The following KLHL32 variants were observed in gnomAD, a reference collection of about 807,000 sequenced individuals.
KLHL32 encodes kelch like family member 32.
KLHL32 carries 35 observed loss-of-function variants against 64.8 expected under a neutral mutation model. That is an observed-to-expected ratio of 0.54 (90% CI 0.41 to 0.72). The LOEUF is 0.72. Among genes scored for constraint, KLHL32 ranks in the 30% least tolerant of loss-of-function variants. KLHL32 has a pLI of 0.00. For synonymous variants in KLHL32, 259 were observed against 281.0 expected (o/e 0.92, Z 0.78); for missense variants, 589 against 768.5 (o/e 0.77, Z 2.76).
At chr6:96,904,124 C>A in the KLHL32 span, among the ~76,000 whole-genome samples, 1 of 151,928 alleles carries the variant, frequency 6.6e-6, no homozygotes, top group African/African-American at 2.4e-5. Context: ...GGCAGATTAC[C>A]TGAGGTCAGG....
intron 2 of KLHL32, among the ~76,000 whole-genome samples, chr6:96,973,730 C>CTTTTTTTTTTTTTTTTTTTTTTTT (rs558193523): frequency 1.7e-5 from 2 of 118,254 alleles, no homozygotes; most frequent in Non-Finnish European, 1.7e-5. Flanking sequence ...TACAGATTGC[C>CTTTTTTTTTTTTTTTTTTTTTTTT]TTTTTTTTTT....
chr6:97,096,202 T>C (rs1794965424), intron 6 of KLHL32, among the ~76,000 whole-genome samples: 1 of 152,210 alleles, frequency 6.6e-6, no homozygotes, highest in South Asian at 2.1e-4. Context: ...AAAGCCACCT[T>C]GGATTCTGAG....
intron 5 of KLHL32, among the ~76,000 whole-genome samples, chr6:97,084,138 G>C (rs891082083): frequency 6.6e-6 from 1 of 152,060 alleles, no homozygotes; most frequent in Non-Finnish European, 1.5e-5. Context: ...AAAATTACTT[G>C]GATTTATAGA....
chr6:96,991,908 T>A (rs994889868), intron 3 of KLHL32, among the ~76,000 whole-genome samples: 2 of 152,070 alleles, frequency 1.3e-5, no homozygotes, highest in Non-Finnish European at 2.9e-5. Flanking sequence ...GTAAGGTGGC[T>A]GCGCTGTGCT....
At chr6:97,131,650 T>G (rs745829736) in intron 9 of KLHL32, among the ~76,000 whole-genome samples, 6 of 152,212 alleles carry the variant, frequency 3.9e-5, no homozygotes, top group Non-Finnish European at 7.3e-5. Context: ...CCATGTCTGC[T>G]CAAATAATAG....
intron 3 of KLHL32, among the ~76,000 whole-genome samples, chr6:97,014,310 A>G (rs1190880672): frequency 2.6e-5 from 4 of 151,212 alleles, no homozygotes; most frequent in African/African-American, 7.3e-5. Context: ...AAAAAAAAAA[A>G]GTTTCTTTTT....
rs866502375 is a variant in KLHL32 at position 97,016,384 on chromosome 6, C to T, written c.205-25108C>T. ...AGTGTGCCTTAGATGTGAGACATGG[C>T]GTCAAAGGAGATCATTTTGGAACTT... On this transcript the variant is annotated intron_variant, in intron 3 of 10. Transcript: ENST00000369261. Among the ~76,000 whole-genome samples, 21 of 152,320 alleles carry T rather than the reference C, an allele frequency of 1.4e-4. No individual in the cohort carries two copies. In the South Asian group the frequency reaches 2.9e-3, roughly 21 times the overall value.
intron 5 of KLHL32, among the ~76,000 whole-genome samples, chr6:97,073,333 A>T (rs917221510): frequency 3.5e-4 from 53 of 152,338 alleles, no homozygotes; most frequent in African/African-American, 1.3e-3. Flanking sequence ...TTTAGAAGCC[A>T]CAAATAATTA....
chr6:97,134,545 GCTGGAACA>G (rs1441295571), intron 10 of KLHL32, among the ~76,000 whole-genome samples: 1 of 152,140 alleles, frequency 6.6e-6, no homozygotes, highest in Non-Finnish European at 1.5e-5. Flanking sequence ...TCTCTATAGT[GCTGGAACA>G]CTGTTTTTTA....
rs1323010132 is a variant in KLHL32 at position 97,071,355 on chromosome 6, T to G, written c.411+6629T>G. 2.0e-5 allele frequency among the ~76,000 whole-genome samples: 3 copies of G among 152,146 alleles called. 1 individual carries two copies. The highest frequency in any genetic ancestry group is 4.4e-5 in the Non-Finnish European group (3 of 68,034). On this transcript the variant is annotated intron_variant, in intron 5 of 10. Coordinates refer to ENST00000369261, the MANE Select transcript of KLHL32 (RefSeq NM_052904.4). ...AGCTGCATTCTTTCCTGCTCCTCTCTTTCTCGGGGCTCTCTCCTATTCTCC... is the reference window on the plus strand; with the variant it reads ...AGCTGCATTCTTTCCTGCTCCTCTCGTTCTCGGGGCTCTCTCCTATTCTCC...
At chr6:97,017,808 TACCTG>T (rs1204221320) in intron 3 of KLHL32, among the ~76,000 whole-genome samples, 3 of 152,086 alleles carry the variant, frequency 2.0e-5, no homozygotes, top group Non-Finnish European at 4.4e-5. Flanking sequence ...GAAACAGAGG[TACCTG>T]TTCCACAGTC....
intron 1 of KLHL32, among the ~76,000 whole-genome samples, chr6:96,961,692 T>A (rs1336776634): frequency 2.0e-5 from 3 of 152,142 alleles, no homozygotes; most frequent in African/African-American, 7.2e-5. Flanking sequence ...TAGGGAAAGA[T>A]GATTGGTGAG....
intron 4 of KLHL32, among the ~76,000 whole-genome samples, chr6:97,058,440 CAT>C (rs1241304534): frequency 1.3e-5 from 2 of 152,110 alleles, no homozygotes; most frequent in Non-Finnish European, 2.9e-5. Flanking sequence ...TAGTTTTCCT[CAT>C]ATATATATGT....
chr6:97,113,716 T>G, intron 6 of KLHL32, 67 bp from the exon 7 acceptor site: 1 of 1,556,404 alleles, frequency 6.4e-7, no homozygotes, highest in Non-Finnish European at 8.7e-7. Context: ...AACCTACCTA[T>G]ATGCTGTTGC....
At chr6:97,084,804 C>T (rs894595637) in intron 5 of KLHL32, among the ~76,000 whole-genome samples, 2 of 152,092 alleles carry the variant, frequency 1.3e-5, no homozygotes, top group Admixed American at 1.3e-4. Context: ...AGCAATTGCC[C>T]TCATTAGTAA....
chr6:96,901,651 C>T, the KLHL32 span, among the ~76,000 whole-genome samples: 15 of 152,136 alleles, frequency 9.9e-5, no homozygotes, highest in East Asian at 1.2e-3. Flanking sequence ...CTTTAGATGA[C>T]GGTTTGCTGC....
the KLHL32 span, among the ~76,000 whole-genome samples, chr6:96,915,893 A>G: frequency 6.6e-6 from 1 of 152,182 alleles, no homozygotes; most frequent in Admixed American, 6.5e-5. Flanking sequence ...AAAGCAGGAC[A>G]TAAATTTGCC....
At chr6:97,132,628 T>G (rs748819739) in intron 9 of KLHL32, 25 bp from the exon 10 acceptor site, 5 of 1,528,490 alleles carry the variant, frequency 3.3e-6, no homozygotes, top group Non-Finnish European at 4.5e-6. Flanking sequence ...TTTTTTTTCT[T>G]TTTATTCAAT....
At chr6:97,028,979 A>G (rs1783131729) in intron 3 of KLHL32, among the ~76,000 whole-genome samples, 2 of 152,206 alleles carry the variant, frequency 1.3e-5, no homozygotes, top group Admixed American at 6.5e-5. Flanking sequence ...AGGGCAACCC[A>G]AGGCTGAAGT....
Sources: allele counts gnomAD v4.1 joint callset (sites outside exome capture counted in the v4.1 genomes callset), GRCh38; gene constraint gnomAD v4.1.1; transcripts MANE v1.5; gene names NCBI Gene and HGNC (gene_info 2026-07-23, HGNC 2026-07-21).